Variants in AVEN observed in about 807,000 individuals in gnomAD.
AVEN encodes the protein apoptosis and caspase activation inhibitor, also known as cell death regulator Aven.
AVEN carries 41 observed loss-of-function variants against 38.1 expected under a neutral mutation model. The ratio of observed to expected loss-of-function variants is 1.08; its 90% CI spans 0.84 to 1.40. The LOEUF is 1.40. AVEN is among the 40% of genes most tolerant of loss of function. AVEN has a pLI of 0.00. For missense variants in AVEN, 605 were observed against 438.8 expected (o/e 1.38, Z -3.38); for synonymous variants, 206 against 171.8 (o/e 1.20, Z -1.56).
chr15:33,913,996 A>G (rs1324208651), intron 2 of AVEN, among the ~76,000 whole-genome samples: 1 of 152,202 alleles, frequency 6.6e-6, no homozygotes, highest in Non-Finnish European at 1.5e-5. Context: ...GTAAGCAAAA[A>G]TAACAACATT....
chr15:33,876,885 A>G (rs761489997), intron 2 of AVEN, among the ~76,000 whole-genome samples: 3 of 152,228 alleles, frequency 2.0e-5, no homozygotes, highest in Non-Finnish European at 4.4e-5. Context: ...GCAAGCAGAA[A>G]TTAACCACAA....
chr15:33,969,589 A>C (rs570071835), intron 2 of AVEN, among the ~76,000 whole-genome samples: 6 of 152,078 alleles, frequency 3.9e-5, no homozygotes, highest in Non-Finnish European at 8.8e-5. Context: ...ACAAAAGCTC[A>C]ATGACTGATT....
At chr15:33,859,979 G>A (rs547222135) in intron 11 of AVEN, among the ~76,000 whole-genome samples, 16 of 152,054 alleles carry the variant, frequency 1.1e-4, no homozygotes, top group Non-Finnish European at 1.5e-4. Flanking sequence ...CCTCTACTCT[G>A]AATTATTTAC....
intron 2 of AVEN, among the ~76,000 whole-genome samples, chr15:33,956,073 C>T (rs1259900486): frequency 6.6e-6 from 1 of 152,086 alleles, no homozygotes. Flanking sequence ...GTAAGTGACT[C>T]CCTCGGGCTG....
chr15:34,016,615 C>G (rs1897924673), intron 1 of AVEN, among the ~76,000 whole-genome samples: 1 of 152,160 alleles, frequency 6.6e-6, no homozygotes, highest in Non-Finnish European at 1.5e-5. Context: ...ATCCAGTCAA[C>G]AAACTTTTCT....
In AVEN at chr15:33,866,579, C is replaced by T; in HGVS notation, c.*34G>A. On this transcript the variant is annotated 3_prime_UTR_variant, in exon 6 of 6. Transcript: ENST00000306730. ...ATGCCCACCTGCCGTTAGAAGGCAA[C>T]CAAGATTTGCTTCAGGCACTTTTTT... The T allele has an allele frequency of 6.4e-7, 1 of 1,561,478 alleles. No homozygotes were observed. Among genetic ancestry groups the T allele is most frequent in the Non-Finnish European group, 8.8e-7 (1 of 1,133,706 alleles).
At chr15:33,855,035 G>GC (rs2079501631), downstream of AVEN, 7 of 1,005,486 alleles carry the variant, frequency 7.0e-6, no homozygotes, top group Non-Finnish European at 9.3e-6. Context: ...ACTTTTCTTG[G>GC]CCAAACACTT....
chr15:33,921,756 T>G (rs1893403248), intron 2 of AVEN, among the ~76,000 whole-genome samples: 1 of 152,126 alleles, frequency 6.6e-6, no homozygotes, highest in Admixed American at 6.6e-5. Flanking sequence ...ACTCAAAATG[T>G]AAGCACATCC....
chr15:34,006,353 G>T (rs1299672665), intron 1 of AVEN, among the ~76,000 whole-genome samples: 1 of 152,074 alleles, frequency 6.6e-6, no homozygotes, highest in African/African-American at 2.4e-5. Flanking sequence ...GAATTTGCGG[G>T]ACAGAACTAG....
chr15:33,966,249 G>C (rs1047585846), intron 2 of AVEN, among the ~76,000 whole-genome samples: 8 of 152,096 alleles, frequency 5.3e-5, no homozygotes, highest in African/African-American at 1.9e-4. Flanking sequence ...AAAAATTTCA[G>C]AGACAACTTG....
intron 4 of AVEN, chr15:34,064,254 C>T (rs1400312143): frequency 4.3e-6 from 7 of 1,613,648 alleles, no homozygotes; most frequent in South Asian, 1.1e-5. Context: ...GCTTCTCTGC[C>T]GATGGAAAAA....
At chr15:34,074,149 C>A (rs1211272394) in intron 1 of AVEN, among the ~76,000 whole-genome samples, 1 of 151,142 alleles carries the variant, frequency 6.6e-6, no homozygotes, top group Non-Finnish European at 1.5e-5. Context: ...AGGTGCACGC[C>A]ACCACACCCA....
Position 33,866,730 on chromosome 15 carries a change from T to C in AVEN, c.974-2A>G, listed in dbSNP as rs199618887. 16 of 1,607,112 alleles carry C rather than the reference T, an allele frequency of 1.0e-5. No individual in the cohort carries two copies. In the African/African-American group the frequency reaches 2.1e-4, roughly 22 times the overall value. ...CAGTCACAGATGGTTTTGCACAAAC[T>C]GGGGGAAAAAAAACAATGTTAACAC... On this transcript the variant is annotated splice_acceptor_variant, in intron 5 of 5. Coordinates refer to ENST00000306730, the MANE Select transcript of AVEN (RefSeq NM_020371.3). LOFTEE classifies it high-confidence loss of function.
intron 2 of AVEN, among the ~76,000 whole-genome samples, chr15:33,927,096 T>C (rs1893638104): frequency 6.6e-6 from 1 of 151,812 alleles, no homozygotes; most frequent in Admixed American, 6.6e-5. Context: ...CTACTAAAAA[T>C]ACAAAAAAAT....
At chr15:34,009,866 G>A (rs1315707170) in intron 1 of AVEN, among the ~76,000 whole-genome samples, 2 of 152,126 alleles carry the variant, frequency 1.3e-5, no homozygotes, top group African/African-American at 4.8e-5. Flanking sequence ...GCATGAACCT[G>A]TAGTCCTAGC....
intron 2 of AVEN, among the ~76,000 whole-genome samples, chr15:33,904,712 T>TAC (rs1394478053): frequency 7.2e-6 from 1 of 138,184 alleles, no homozygotes; most frequent in Non-Finnish European, 1.5e-5. Flanking sequence ...TATATATATA[T>TAC]ATATACACAC....
At chr15:33,964,467 A>G in intron 2 of AVEN, among the ~76,000 whole-genome samples, 1 of 152,220 alleles carries the variant, frequency 6.6e-6, no homozygotes, top group East Asian at 1.9e-4. Flanking sequence ...AAATTAGAAG[A>G]TAAAAATGCA....
downstream of AVEN, among the ~76,000 whole-genome samples, chr15:33,863,681 T>C (rs1889359462): frequency 6.6e-6 from 1 of 152,176 alleles, no homozygotes; most frequent in African/African-American, 2.4e-5. Flanking sequence ...TCTGGAAGAA[T>C]CTCCATGAGA....
chr15:34,038,670 G>C, intron 1 of AVEN, 110 bp downstream of exon 1: 1 of 1,028,686 alleles, frequency 9.7e-7, no homozygotes, highest in Non-Finnish European at 1.2e-6. Context: ...CGGCGCCGCC[G>C]CCCGTCTGGC....
Sources: gnomAD v4.1 joint callset for allele counts (sites outside exome capture counted in the v4.1 genomes callset) on GRCh38, gnomAD v4.1.1 for gene constraint, MANE v1.5 for transcripts, NCBI Gene and HGNC (gene_info 2026-07-23, HGNC 2026-07-21) for gene names.